FGF14: variants seen among roughly 807,000 people sequenced by gnomAD.
FGF14 encodes fibroblast growth factor homologous factor 4.
FGF14 carries 5 observed loss-of-function variants against 25.5 expected under a neutral mutation model. That is an observed-to-expected ratio of 0.20 (90% CI 0.10 to 0.41). The LOEUF (loss-of-function observed/expected upper bound fraction) is 0.41. Among genes scored for constraint, FGF14 ranks in the 10% least tolerant of loss-of-function variants. The probability of loss-of-function intolerance (pLI) is 1.00; values close to 1 mark genes in which losing one functional copy is unlikely to be tolerated. For synonymous variants in FGF14, 138 were observed against 118.3 expected (o/e 1.17, Z -1.08); for missense variants, 222 against 320.1 (o/e 0.69, Z 2.34).
At chr13:101,784,775 A>G (rs2039706803) in intron 3 of FGF14, among the ~76,000 whole-genome samples, 1 of 152,136 alleles carries the variant, frequency 6.6e-6, no homozygotes, top group Non-Finnish European at 1.5e-5. Context: ...TGTGTCTTGA[A>G]CTGTTTAAGA....
At chr13:101,929,783 G>A (rs771712950) in intron 1 of FGF14, among the ~76,000 whole-genome samples, 5 of 152,194 alleles carry the variant, frequency 3.3e-5, no homozygotes, top group Non-Finnish European at 5.9e-5. Flanking sequence ...AAAATAGACT[G>A]AAGTATAAAC....
chr13:101,916,397 T>C (rs574827061), intron 1 of FGF14, 56 bp downstream of exon 1: 76 of 1,595,862 alleles, frequency 4.8e-5, no homozygotes, highest in Admixed American at 8.3e-5. Context: ...AGAAGCTCCG[T>C]TTAGGCGGGG....
intron 1 of FGF14, among the ~76,000 whole-genome samples, chr13:102,291,042 CAAAG>C (rs760554584): frequency 6.6e-6 from 1 of 151,966 alleles, no homozygotes; most frequent in Non-Finnish European, 1.5e-5. Context: ...AAAATCAAAA[CAAAG>C]AGAGAGTTAA....
chr13:101,994,366 G>A (rs1202917843), intron 1 of FGF14, among the ~76,000 whole-genome samples: 1 of 151,928 alleles, frequency 6.6e-6, no homozygotes, highest in Non-Finnish European at 1.5e-5. Flanking sequence ...TACAGCAAAG[G>A]TCTTGATAAA....
intron 1 of FGF14, among the ~76,000 whole-genome samples, chr13:102,102,267 G>C (rs2044698576): frequency 6.6e-6 from 1 of 152,186 alleles, no homozygotes; most frequent in Admixed American, 6.5e-5. Flanking sequence ...GCAGTTTCTT[G>C]TCGAAAGTCA....
At chr13:101,747,483 CCTT>C (rs1403060223) in intron 3 of FGF14, among the ~76,000 whole-genome samples, 5 of 151,960 alleles carry the variant, frequency 3.3e-5, no homozygotes, top group Admixed American at 6.6e-5. Context: ...TGATGACTCT[CCTT>C]CTAATTGTTA....
At chr13:102,098,076 A>T (rs1000021977) in intron 1 of FGF14, among the ~76,000 whole-genome samples, 2 of 152,188 alleles carry the variant, frequency 1.3e-5, no homozygotes. Flanking sequence ...ACTGAGTCCC[A>T]TCTCCAGCAT....
chr13:101,809,955 G>A (rs1477562695), intron 3 of FGF14, among the ~76,000 whole-genome samples: 1 of 152,066 alleles, frequency 6.6e-6, no homozygotes, highest in Non-Finnish European at 1.5e-5. Context: ...TTTGAATCAA[G>A]ATTTTGACCT....
intron 1 of FGF14, among the ~76,000 whole-genome samples, chr13:102,167,167 A>T (rs976890260): frequency 6.6e-6 from 1 of 151,858 alleles, no homozygotes; most frequent in African/African-American, 2.4e-5. Context: ...CAAACTAAAA[A>T]ATTTTTGTAA....
intron 1 of FGF14, among the ~76,000 whole-genome samples, chr13:102,286,426 T>C (rs1411898382): frequency 1.3e-5 from 2 of 152,144 alleles, no homozygotes; most frequent in African/African-American, 4.8e-5. Flanking sequence ...TACTTTACAC[T>C]CAGTCACATA....
intron 1 of FGF14, among the ~76,000 whole-genome samples, chr13:102,151,938 CACA>C (rs2140507187): frequency 6.6e-6 from 1 of 152,210 alleles, no homozygotes; most frequent in South Asian, 2.1e-4. Flanking sequence ...AATTATTCCC[CACA>C]ACAAGATTAC....
At chr13:101,902,291 C>T (rs2031666308) in intron 1 of FGF14, among the ~76,000 whole-genome samples, 1 of 152,006 alleles carries the variant, frequency 6.6e-6, no homozygotes, top group Non-Finnish European at 1.5e-5. Flanking sequence ...TATGCTCTTT[C>T]TCTTTCTTTT....
At chr13:102,318,210 A>G (rs1381953641) in intron 1 of FGF14, among the ~76,000 whole-genome samples, 1 of 152,066 alleles carries the variant, frequency 6.6e-6, no homozygotes, top group Non-Finnish European at 1.5e-5. Flanking sequence ...GAAGATCTAA[A>G]CCCCTGGAAG....
chr13:101,901,662 C>G (rs2031569528), intron 1 of FGF14, among the ~76,000 whole-genome samples: 1 of 152,154 alleles, frequency 6.6e-6, no homozygotes, highest in Non-Finnish European at 1.5e-5. Flanking sequence ...CGAGATCGCA[C>G]CACTGCACTC....
chr13:101,969,363 A>T (rs968460832), intron 1 of FGF14, among the ~76,000 whole-genome samples: 6 of 152,188 alleles, frequency 3.9e-5, no homozygotes, highest in African/African-American at 1.4e-4. Flanking sequence ...GGAGATCGAG[A>T]CCATCCTGGC....
chr13:102,039,335 C>T (rs2041621536), intron 1 of FGF14, among the ~76,000 whole-genome samples: 1 of 152,162 alleles, frequency 6.6e-6, no homozygotes, highest in Non-Finnish European at 1.5e-5. Context: ...AAAAAGCCCA[C>T]AGCTTCCGAG....
Position 101,713,126 on chromosome 13 carries a change from G to A in FGF14, c.*9705C>T, listed in dbSNP as rs1054001902. The A allele has an allele frequency of 6.6e-6, 1 of 152,162 alleles. No individual in the cohort carries two copies. Among genetic ancestry groups the A allele is most frequent in the Admixed American group, 6.5e-5 (1 of 15,272 alleles). 9.4% of individuals were successfully genotyped at this position (152,162 alleles called of 1,614,324 possible). On this transcript the variant is annotated 3_prime_UTR_variant, in exon 5 of 5. Coordinates refer to ENST00000376143, the MANE Select transcript of FGF14 (RefSeq NM_004115.4). ...ACTTTGAGAAGTGTGTCAAGAAATG[G>A]CAAACATTTAATTTGGACTTTGGGG...
chr13:101,821,123 T>C (rs1471202500), intron 3 of FGF14, among the ~76,000 whole-genome samples: 3 of 151,696 alleles, frequency 2.0e-5, no homozygotes, highest in Non-Finnish European at 2.9e-5. Flanking sequence ...TAATTTTTTG[T>C]ATTTTTAGTA....
Position 102,116,059 on chromosome 13 carries a change from G to A in FGF14, c.209-240763C>T, listed in dbSNP as rs369314202. On this transcript the variant is annotated intron_variant, in intron 1 of 4. Coordinates refer to the FGF14 transcript ENST00000376131. ...CAGGAGGCAGAAGTTGCGGTGAGCCGAGATCAAGCCACTAGACTCCAGCCT... is the reference window on the plus strand; with the variant it reads ...CAGGAGGCAGAAGTTGCGGTGAGCCAAGATCAAGCCACTAGACTCCAGCCT... Among the ~76,000 whole-genome samples the A allele has an allele frequency of 7.2e-5, 11 of 152,200 alleles. No homozygotes were observed. In the South Asian group the frequency reaches 1.9e-3, roughly 26 times the overall value.
Sources: gnomAD v4.1 joint callset for allele counts (sites outside exome capture counted in the v4.1 genomes callset) on GRCh38, gnomAD v4.1.1 for gene constraint, MANE v1.5 for transcripts, NCBI Gene and HGNC (gene_info 2026-07-23, HGNC 2026-07-21) for gene names.